The following EXOC6B variants were observed in gnomAD, a reference collection of about 807,000 sequenced individuals.
The protein encoded by EXOC6B is SEC15 homolog B.
Under a neutral mutation model 113.5 loss-of-function variants are expected in EXOC6B, and 54 were observed. The ratio of observed to expected loss-of-function variants is 0.48; its 90% CI spans 0.38 to 0.60. EXOC6B has a LOEUF of 0.60. Ranked by LOEUF, EXOC6B falls within the 20% of genes least tolerant of loss-of-function variation. The pLI is 0.00. For synonymous variants in EXOC6B, 357 were observed against 339.0 expected (o/e 1.05, Z -0.58); for missense variants, 797 against 977.5 (o/e 0.82, Z 2.46).
intron 6 of EXOC6B, among the ~76,000 whole-genome samples, chr2:72,634,557 G>A (rs1393460078): frequency 1.3e-5 from 2 of 152,152 alleles, no homozygotes; most frequent in Non-Finnish European, 2.9e-5. Context: ...GGTGTCAACA[G>A]ACATGTGATA....
intron 20 of EXOC6B, among the ~76,000 whole-genome samples, chr2:72,324,416 A>C (rs1352857948): frequency 6.6e-6 from 1 of 152,174 alleles, no homozygotes; most frequent in East Asian, 1.9e-4. Context: ...GCAAGAGTTA[A>C]GTGATCACTC....
chr2:72,331,825 TTC>T (rs1287937313), intron 20 of EXOC6B, among the ~76,000 whole-genome samples: 10 of 152,122 alleles, frequency 6.6e-5, no homozygotes. Context: ...ATTTCTCTCT[TTC>T]TCTTAAGAAG....
At chr2:72,532,376 T>C (rs1457780613) in intron 8 of EXOC6B, among the ~76,000 whole-genome samples, 1 of 152,160 alleles carries the variant, frequency 6.6e-6, no homozygotes, top group East Asian at 1.9e-4. Context: ...GGTAAAACCA[T>C]ACACCAAAAT....
chr2:72,341,037 C>T (rs1273309102), intron 19 of EXOC6B, among the ~76,000 whole-genome samples: 2 of 152,108 alleles, frequency 1.3e-5, no homozygotes, highest in Non-Finnish European at 2.9e-5. Flanking sequence ...AAGGGAAAAG[C>T]TCCTTGGAGA....
intron 18 of EXOC6B, among the ~76,000 whole-genome samples, chr2:72,460,292 C>T (rs1428498289): frequency 6.6e-6 from 1 of 151,934 alleles, no homozygotes; most frequent in African/African-American, 2.4e-5. Flanking sequence ...AGGACACAGG[C>T]ATGGGCAAGG....
chr2:72,586,987 T>C (rs1347839330), intron 6 of EXOC6B, among the ~76,000 whole-genome samples: 1 of 152,192 alleles, frequency 6.6e-6, no homozygotes, highest in African/African-American at 2.4e-5. Context: ...ATTCAGCCAC[T>C]GTGGAAAGCA....
chr2:72,492,250 A>G, intron 16 of EXOC6B, 68 bp downstream of exon 16: 3 of 805,546 alleles, frequency 3.7e-6, no homozygotes, highest in Admixed American at 4.4e-5. Flanking sequence ...GAATTCAGAC[A>G]TAAGGCCCAG....
chr2:72,405,791 C>T (rs1413369295), intron 18 of EXOC6B, among the ~76,000 whole-genome samples: 1 of 152,184 alleles, frequency 6.6e-6, no homozygotes, highest in Non-Finnish European at 1.5e-5. Flanking sequence ...GAAACTGCAT[C>T]AACTAAAGAA....
At chr2:72,695,478 G>GT (rs1013321938) in intron 6 of EXOC6B, among the ~76,000 whole-genome samples, 19 of 151,268 alleles carry the variant, frequency 1.3e-4, no homozygotes, top group East Asian at 3.9e-4. Context: ...ATTCTTTAAG[G>GT]TTTTTTTTTG....
At chr2:72,759,690 C>T (rs1399529837) in intron 1 of EXOC6B, among the ~76,000 whole-genome samples, 1 of 152,172 alleles carries the variant, frequency 6.6e-6, no homozygotes, top group African/African-American at 2.4e-5. Context: ...CCCTGGCATG[C>T]ACCAACATTT....
At chr2:72,736,433 T>C (rs935631469) in intron 2 of EXOC6B, among the ~76,000 whole-genome samples, 2 of 152,166 alleles carry the variant, frequency 1.3e-5, no homozygotes, top group African/African-American at 4.8e-5. Context: ...TCATTGAACC[T>C]AGGTCAAATG....
At chr2:72,708,737 A>C (rs972212772) in intron 6 of EXOC6B, among the ~76,000 whole-genome samples, 1 of 151,872 alleles carries the variant, frequency 6.6e-6, no homozygotes, top group Non-Finnish European at 1.5e-5. Context: ...ATTTAAATTA[A>C]AAAATTTTCA....
intron 6 of EXOC6B, among the ~76,000 whole-genome samples, chr2:72,588,552 T>C (rs912719105): frequency 1.3e-5 from 2 of 151,976 alleles, no homozygotes; most frequent in African/African-American, 4.8e-5. Context: ...TAATGTTCAG[T>C]GAGTATACAG....
At chr2:72,722,364 A>G (rs1680064405) in intron 5 of EXOC6B, among the ~76,000 whole-genome samples, 1 of 152,198 alleles carries the variant, frequency 6.6e-6, no homozygotes, top group Non-Finnish European at 1.5e-5. Context: ...TTGGACTTTA[A>G]GAATGATTTT....
chr2:72,537,258 T>C (rs1031130498), intron 8 of EXOC6B, among the ~76,000 whole-genome samples: 1 of 152,142 alleles, frequency 6.6e-6, no homozygotes, highest in African/African-American at 2.4e-5. Context: ...GTAAGATCTT[T>C]CTTGTAGATT....
chr2:72,324,542 T>C, intron 20 of EXOC6B, among the ~76,000 whole-genome samples: 1 of 152,350 alleles, frequency 6.6e-6, no homozygotes. Context: ...CTTCATTAAT[T>C]AAATGCTTAC....
intron 20 of EXOC6B, among the ~76,000 whole-genome samples, chr2:72,254,169 A>C (rs1024249387): frequency 2.0e-5 from 3 of 152,156 alleles, no homozygotes; most frequent in African/African-American, 4.8e-5. Flanking sequence ...CAAAAAAAAA[A>C]AGATATGTTC....
At chr2:72,733,227 C>A in intron 2 of EXOC6B, 109 bp from the exon 3 acceptor site, 1 of 765,480 alleles carries the variant, frequency 1.3e-6, no homozygotes, top group Non-Finnish European at 2.2e-6. Context: ...TAAATATTTT[C>A]AGTACTCCAC....
chr2:72,485,926 C>G (rs1368598534), intron 16 of EXOC6B, among the ~76,000 whole-genome samples: 1 of 152,188 alleles, frequency 6.6e-6, no homozygotes, highest in East Asian at 1.9e-4. Flanking sequence ...CCAGAAGGAA[C>G]TCTGAACTTC....
Sources: allele counts gnomAD v4.1 joint callset (sites outside exome capture counted in the v4.1 genomes callset), GRCh38; gene constraint gnomAD v4.1.1; transcripts MANE v1.5; gene names NCBI Gene and HGNC (gene_info 2026-07-23, HGNC 2026-07-21).